Variants in PTPRD observed in about 807,000 individuals in gnomAD.
The protein encoded by PTPRD is receptor-type tyrosine-protein phosphatase delta.
PTPRD carries 34 observed loss-of-function variants against 214.5 expected under a neutral mutation model. The observed-to-expected ratio is 0.16, with a 90% CI of 0.12 to 0.21. The LOEUF (loss-of-function observed/expected upper bound fraction) is 0.21. Ranked by LOEUF, PTPRD falls within the 10% of genes least tolerant of loss-of-function variation. PTPRD has a pLI of 1.00. For missense variants in PTPRD, 2,545 were observed against 2,398.7 expected (o/e 1.06, Z -1.27); for synonymous variants, 1,128 against 845.7 (o/e 1.33, Z -5.79).
chr9:9,275,068 ATATAT>A (rs1569566647), intron 9 of PTPRD, among the ~76,000 whole-genome samples: 4 of 65,788 alleles, frequency 6.1e-5, no homozygotes, highest in African/African-American at 1.1e-4. Context: ...TATATATATT[ATATAT>A]ATATATATAA....
At chr9:10,068,570 G>A (rs1567469147) in intron 3 of PTPRD, among the ~76,000 whole-genome samples, 3 of 151,772 alleles carry the variant, frequency 2.0e-5, no homozygotes, top group Admixed American at 2.0e-4. Flanking sequence ...ATACAATAGT[G>A]GGGACTGTGT....
chr9:8,338,135 T>C (rs912814914), intron 43 of PTPRD, among the ~76,000 whole-genome samples: 5 of 152,054 alleles, frequency 3.3e-5, no homozygotes, highest in African/African-American at 1.2e-4. Flanking sequence ...ATCAACTAAA[T>C]AGCTTTACCC....
intron 3 of PTPRD, among the ~76,000 whole-genome samples, chr9:10,161,414 T>G (rs2099126494): frequency 6.6e-6 from 1 of 151,738 alleles, no homozygotes; most frequent in African/African-American, 2.4e-5. Context: ...ACCAATTCAT[T>G]TTTTTCACAA....
chr9:9,649,060 G>A (rs1161439979), intron 7 of PTPRD, among the ~76,000 whole-genome samples: 1 of 152,060 alleles, frequency 6.6e-6, no homozygotes, highest in Non-Finnish European at 1.5e-5. Flanking sequence ...ATGAGCCAGG[G>A]GAATTGGGCG....
At chr9:9,042,742 G>C (rs1382156229) in intron 10 of PTPRD, among the ~76,000 whole-genome samples, 3 of 150,522 alleles carry the variant, frequency 2.0e-5, no homozygotes, top group Non-Finnish European at 2.9e-5. Context: ...TTCTAAAGAA[G>C]TTGAAAATGC....
chr9:10,350,704 A>G (rs1206829842), intron 2 of PTPRD, among the ~76,000 whole-genome samples: 1 of 152,180 alleles, frequency 6.6e-6, no homozygotes, highest in Admixed American at 6.5e-5. Flanking sequence ...AAAAGATAAT[A>G]AAGGCTTCTG....
In PTPRD at chr9:8,518,428, G is replaced by T. The variant is rs1441380391; in HGVS notation, c.963C>A (p.Ala321=). 3 of 1,584,696 alleles carry T rather than the reference G, an allele frequency of 1.9e-6. No homozygotes were observed. In the Admixed American group the frequency reaches 5.6e-5, roughly 30 times the overall value. The change falls in exon 21 of 46, where the codon GCC becomes GCA. Residue 321 remains alanine (A), a splice_region_variant and synonymous_variant. Transcript: ENST00000381196. Reference sequence around the variant, plus strand: ...CAGGAGTTCCTGGAGGTTTGGGTAAGGCTTGGATGGGGGAAGATAAAAGAC... The same window carrying T: ...CAGGAGTTCCTGGAGGTTTGGGTAATGCTTGGATGGGGGAAGATAAAAGAC... ...IEAIAQITVK[A]LPKPPGTPVV... is the part of the protein sequence containing the mutation.
intron 10 of PTPRD, among the ~76,000 whole-genome samples, chr9:9,053,512 A>G (rs1252405600): frequency 6.6e-6 from 1 of 152,134 alleles, no homozygotes; most frequent in Non-Finnish European, 1.5e-5. Flanking sequence ...ATGACTGTAG[A>G]AAAAAGAAGA....
intron 8 of PTPRD, among the ~76,000 whole-genome samples, chr9:9,468,174 A>AT (rs1434274927): frequency 6.6e-6 from 1 of 151,858 alleles, no homozygotes; most frequent in Non-Finnish European, 1.5e-5. Flanking sequence ...TGTAGGTAGT[A>AT]TTTAACTATT....
In PTPRD at chr9:9,569,321, T is replaced by G. The variant is rs145688849; in HGVS notation, c.-237+5411A>C. Reference sequence around the variant, plus strand: ...TAAAGGGAAGAACTGAGCCACAAAGTAAAGCTTACTTTAAAATATACATTT... The same window carrying G: ...TAAAGGGAAGAACTGAGCCACAAAGGAAAGCTTACTTTAAAATATACATTT... On this transcript the variant is annotated intron_variant, in intron 8 of 45. Transcript: ENST00000381196. Among the ~76,000 whole-genome samples, 126 of 151,818 alleles carry G rather than the reference T, an allele frequency of 8.3e-4. 1 individual carries two copies. Among genetic ancestry groups the G allele is most frequent in the East Asian group, 7.9e-3 (41 of 5,174 alleles).
At chr9:10,055,887 A>G (rs1422925602) in intron 3 of PTPRD, among the ~76,000 whole-genome samples, 1 of 151,736 alleles carries the variant, frequency 6.6e-6, no homozygotes, top group Admixed American at 6.6e-5. Flanking sequence ...ATATAAATGT[A>G]TAATGTATAA....
chr9:8,378,630 C>G (rs541531462), intron 37 of PTPRD, among the ~76,000 whole-genome samples: 1 of 151,986 alleles, frequency 6.6e-6, no homozygotes, highest in Non-Finnish European at 1.5e-5. Flanking sequence ...GAGAGCAACC[C>G]TTTCGGTTTA....
At chr9:8,837,877 G>C (rs954446704) in intron 11 of PTPRD, among the ~76,000 whole-genome samples, 1 of 151,972 alleles carries the variant, frequency 6.6e-6, no homozygotes, top group African/African-American at 2.4e-5. Context: ...TGTTTTATAA[G>C]AGAAAAGAAG....
chr9:10,353,405 C>A (rs1172165513), intron 2 of PTPRD, among the ~76,000 whole-genome samples: 2 of 151,930 alleles, frequency 1.3e-5, no homozygotes, highest in Non-Finnish European at 2.9e-5. Context: ...CCTAACAGCA[C>A]TTTTCAGTCA....
At chr9:9,185,471 C>T (rs1399973164) in intron 9 of PTPRD, among the ~76,000 whole-genome samples, 2 of 152,164 alleles carry the variant, frequency 1.3e-5, no homozygotes, top group East Asian at 1.9e-4. Context: ...TTACTATTGT[C>T]CACTTGCTGG....
chr9:9,742,935 T>C (rs2098419128), intron 6 of PTPRD, among the ~76,000 whole-genome samples: 1 of 152,216 alleles, frequency 6.6e-6, no homozygotes, highest in African/African-American at 2.4e-5. Context: ...ATTATACTGT[T>C]ACTATCCTTC....
chr9:9,619,364 G>T (rs2095094932), intron 7 of PTPRD, among the ~76,000 whole-genome samples: 1 of 151,592 alleles, frequency 6.6e-6, no homozygotes, highest in African/African-American at 2.4e-5. Context: ...TGAAGAGGAG[G>T]CTTCAAATAT....
At chr9:9,654,015 G>A (rs563404076) in intron 7 of PTPRD, among the ~76,000 whole-genome samples, 148 of 152,090 alleles carry the variant, frequency 9.7e-4, no homozygotes, top group Non-Finnish European at 1.8e-3. Flanking sequence ...TGAAAGGAAG[G>A]TTAGGGTTAC....
At chr9:9,419,373 G>T (rs1288786902) in intron 8 of PTPRD, among the ~76,000 whole-genome samples, 3 of 151,592 alleles carry the variant, frequency 2.0e-5, no homozygotes, top group Admixed American at 2.0e-4. Context: ...TATTTGTCTA[G>T]TCATATTTAA....
Sources: allele counts gnomAD v4.1 joint callset (sites outside exome capture counted in the v4.1 genomes callset), GRCh38; gene constraint gnomAD v4.1.1; transcripts MANE v1.5; gene names NCBI Gene and HGNC (gene_info 2026-07-23, HGNC 2026-07-21).